Variants in CTIF observed in about 807,000 individuals in gnomAD.
CTIF encodes the protein CBP80/20-dependent translation initiation factor.
Under a neutral mutation model 66.0 loss-of-function variants are expected in CTIF, and 21 were observed. The ratio of observed to expected loss-of-function variants is 0.32; its 90% CI spans 0.23 to 0.46. CTIF has a LOEUF of 0.46. Ranked by LOEUF, CTIF falls within the 20% of genes least tolerant of loss-of-function variation. The pLI, the probability that CTIF is intolerant of heterozygous loss-of-function variation, is 1.00. For missense variants in CTIF, 739 were observed against 812.7 expected, an observed-to-expected ratio of 0.91 and a Z score of 1.10; for synonymous variants, 345 against 326.4, an observed-to-expected ratio of 1.06 and a Z score of -0.62.
Position 48,859,818 on chromosome 18 carries a change from G to GCCCTCCCCTTCCTCACTCCCGCCTCTC in CTIF, c.*268_*294dup. On this transcript the variant is annotated 3_prime_UTR_variant, in exon 12 of 12. Coordinates refer to ENST00000256413, the MANE Select transcript of CTIF (RefSeq NM_014772.3). ...ATGTTTCTTTTTCCTGGTGGCCCTG[G>GCCCTCCCCTTCCTCACTCCCGCCTCTC]CCCTCCCCTTCCTCACTCCCGCCTC... The GCCCTCCCCTTCCTCACTCCCGCCTCTC allele has an allele frequency of 1.5e-6, 1 of 645,612 alleles. No individual in the cohort carries two copies. Among genetic ancestry groups the GCCCTCCCCTTCCTCACTCCCGCCTCTC allele is most frequent in the Non-Finnish European group, 2.9e-6 (1 of 348,342 alleles). 40.0% of individuals were successfully genotyped at this position (645,612 alleles called of 1,614,324 possible). A position where few individuals can be genotyped will look rare whatever the true frequency, so the allele number is the denominator to read the frequency against.
intron 4 of CTIF, 133 bp from the exon 5 acceptor site, chr18:48,664,314 G>T (rs1469135690): frequency 9.3e-6 from 7 of 749,232 alleles, no homozygotes; most frequent in Admixed American, 6.1e-5. Context: ...ATTCTGAGTG[G>T]GGCTCCCCGC....
At chr18:48,654,096 T>C (rs1313649173) in intron 3 of CTIF, among the ~76,000 whole-genome samples, 11 of 152,028 alleles carry the variant, frequency 7.2e-5, no homozygotes, top group African/African-American at 2.4e-4. Context: ...ACACCAAAAG[T>C]GATGGCAACA....
intron 9 of CTIF, among the ~76,000 whole-genome samples, chr18:48,811,997 C>G (rs1056626563): frequency 6.6e-6 from 1 of 152,232 alleles, no homozygotes; most frequent in African/African-American, 2.4e-5. Flanking sequence ...GAGTCTCACT[C>G]TGTCCCCCAG....
chr18:48,547,218 A>G (rs1015474638), intron 1 of CTIF, among the ~76,000 whole-genome samples: 5 of 152,182 alleles, frequency 3.3e-5, no homozygotes, highest in Non-Finnish European at 5.9e-5. Context: ...GGACAGTTCC[A>G]TCCAAGCCTT....
intron 3 of CTIF, among the ~76,000 whole-genome samples, chr18:48,655,521 A>T (rs1437235005): frequency 6.6e-6 from 1 of 152,150 alleles, no homozygotes; most frequent in Non-Finnish European, 1.5e-5. Flanking sequence ...GGAATCTGGA[A>T]GGACATCCTG....
intron 1 of CTIF, among the ~76,000 whole-genome samples, chr18:48,552,599 C>A (rs1447922432): frequency 6.6e-6 from 1 of 152,140 alleles, no homozygotes; most frequent in African/African-American, 2.4e-5. Flanking sequence ...AGGGCACTAA[C>A]CTCATTCATG....
intron 1 of CTIF, among the ~76,000 whole-genome samples, chr18:48,597,289 A>G (rs2090004129): frequency 6.6e-6 from 1 of 152,188 alleles, no homozygotes; most frequent in Non-Finnish European, 1.5e-5. Flanking sequence ...TGGATAGATG[A>G]CCAGTCAGCT....
chr18:48,613,133 C>T (rs563257928), intron 1 of CTIF, among the ~76,000 whole-genome samples: 11 of 152,234 alleles, frequency 7.2e-5, no homozygotes, highest in South Asian at 2.1e-4. Flanking sequence ...CCTAATGCCT[C>T]GCAGTTCTTA....
At chr18:48,568,914 A>G in intron 1 of CTIF, among the ~76,000 whole-genome samples, 1 of 152,010 alleles carries the variant, frequency 6.6e-6, no homozygotes, top group East Asian at 1.9e-4. Context: ...ACAAGTGGGG[A>G]TTGTGGGAGC....
intron 3 of CTIF, among the ~76,000 whole-genome samples, chr18:48,643,313 C>T (rs1026572401): frequency 2.0e-5 from 3 of 152,182 alleles, no homozygotes; most frequent in African/African-American, 7.2e-5. Flanking sequence ...GGAAAATTAT[C>T]TATTTTTATG....
chr18:48,664,833 G>A (rs911254647), intron 5 of CTIF, among the ~76,000 whole-genome samples: 1 of 152,080 alleles, frequency 6.6e-6, no homozygotes, highest in Non-Finnish European at 1.5e-5. Context: ...AGAATCACCT[G>A]GGCGGTGGCA....
intron 9 of CTIF, among the ~76,000 whole-genome samples, chr18:48,807,810 G>A (rs1337171568): frequency 6.6e-6 from 1 of 152,020 alleles, no homozygotes. Flanking sequence ...ATGAGCTCCT[G>A]GCCTCAGATG....
chr18:48,627,967 AAG>A (rs1192601537), intron 2 of CTIF, among the ~76,000 whole-genome samples: 1 of 152,108 alleles, frequency 6.6e-6, no homozygotes, highest in Non-Finnish European at 1.5e-5. Flanking sequence ...GGGGGTCAGC[AAG>A]AGAGGAAGCA....
At chr18:48,690,387 G>A (rs541611439) in intron 6 of CTIF, among the ~76,000 whole-genome samples, 20 of 152,250 alleles carry the variant, frequency 1.3e-4, no homozygotes, top group African/African-American at 4.6e-4. Flanking sequence ...CATCTAGCTA[G>A]TTTCCTGATT....
intron 3 of CTIF, among the ~76,000 whole-genome samples, chr18:48,645,957 T>G (rs1466220013): frequency 1.3e-5 from 2 of 152,240 alleles, no homozygotes; most frequent in Admixed American, 6.5e-5. Context: ...GGTTTAAATA[T>G]GACTCTCTCA....
At chr18:48,603,189 G>C (rs1006706082) in intron 1 of CTIF, among the ~76,000 whole-genome samples, 2 of 150,072 alleles carry the variant, frequency 1.3e-5, no homozygotes, top group East Asian at 2.0e-4. Context: ...TGGGTGGGTG[G>C]ATAGGTGGGT....
At position 48,859,963 on chromosome 18, in the gene CTIF, C is replaced by A. The variant is rs752231193; in HGVS notation, c.*404C>A. ...GCACCGCTTGGGTCAGAAAGGACCT[C>A]GGAAGGCTGAAAAAGTGGGTCGGAG... On this transcript the variant is annotated 3_prime_UTR_variant, in exon 12 of 12. Coordinates refer to ENST00000256413, the MANE Select transcript of CTIF (RefSeq NM_014772.3). The A allele has an allele frequency of 2.1e-6, 1 of 468,638 alleles. No individual in the cohort carries two copies. 29.0% of individuals were successfully genotyped at this position (468,638 alleles called of 1,614,324 possible). A position where few individuals can be genotyped will look rare whatever the true frequency, so the allele number is the denominator to read the frequency against.
intron 10 of CTIF, among the ~76,000 whole-genome samples, chr18:48,820,559 G>T (rs1296244376): frequency 2.0e-5 from 3 of 151,988 alleles, no homozygotes; most frequent in African/African-American, 7.3e-5. Context: ...CATACCTCAG[G>T]ACCCTCCAAA....
At chr18:48,651,676 C>A (rs1657127371) in intron 3 of CTIF, among the ~76,000 whole-genome samples, 1 of 152,186 alleles carries the variant, frequency 6.6e-6, no homozygotes, top group South Asian at 2.1e-4. Flanking sequence ...CTTCTCAGCA[C>A]CACATCGCAC....
Sources: gnomAD v4.1 joint callset for allele counts (sites outside exome capture counted in the v4.1 genomes callset) on GRCh38, gnomAD v4.1.1 for gene constraint, MANE v1.5 for transcripts, NCBI Gene and HGNC (gene_info 2026-07-23, HGNC 2026-07-21) for gene names.